The following GCKR variants were observed in gnomAD, a reference collection of about 807,000 sequenced individuals.
GCKR encodes glucokinase regulatory protein.
A neutral mutation model predicts 82.9 loss-of-function variants in GCKR; 73 were observed. The ratio of observed to expected loss-of-function variants is 0.88; its 90% CI spans 0.73 to 1.07. The LOEUF (loss-of-function observed/expected upper bound fraction) is 1.07. Ranked by LOEUF, GCKR falls within the 50% of genes least tolerant of loss-of-function variation. The pLI is 0.00. For missense variants in GCKR, 784 were observed against 782.1 expected, an observed-to-expected ratio of 1.00 and a Z score of -0.03; for synonymous variants, 294 against 291.8, an observed-to-expected ratio of 1.01 and a Z score of -0.08.
rs774736790 is a variant in GCKR at position 27,507,749 on chromosome 2, T to C, written c.1212T>C (p.Asp404=). The change falls in exon 14 of 19, where the codon GAT becomes GAC. Residue 404 remains aspartate, a synonymous_variant. Transcript: ENST00000264717. ...TSILPSLTEI[D]TVVFIFTLDD... ...TCCTTCCCTCTCTCACGGAAATCGA[T>C]ACTGTGGTCTTCATTTTCACCCTGG... The C allele has an allele frequency of 3.1e-6, 5 of 1,602,734 alleles. No homozygotes were observed. The South Asian group carries it at 5.5e-5, about 18-fold the overall frequency.
rs548142292 is a variant in GCKR at position 27,522,567 on chromosome 2, T to C, written c.1680T>C (p.His560=). The change falls in exon 18 of 19, where the codon CAT becomes CAC. Residue 560 remains histidine, a synonymous_variant. Coordinates refer to ENST00000264717, the MANE Select transcript of GCKR (RefSeq NM_001486.4). ...DDIRAAPISC[H]VQVAHEKEQV... ...TTCGGGCTGCTCCCATCTCCTGCCA[T>C]GTCCAGGTTGCACATGAGAAGGAAC... The C allele has an allele frequency of 8.1e-6, 13 of 1,613,992 alleles. No individual in the cohort carries two copies. The highest frequency in any genetic ancestry group is 7.7e-5 in the South Asian group (7 of 91,092).
chr2:27,518,236 G>C (rs1384706303), intron 16 of GCKR, among the ~76,000 whole-genome samples: 1 of 152,172 alleles, frequency 6.6e-6, no homozygotes, highest in Non-Finnish European at 1.5e-5. Context: ...AGTAGAGACA[G>C]CATTTCATCA....
At chr2:27,514,285 A>G (rs1426274818) in intron 16 of GCKR, among the ~76,000 whole-genome samples, 1 of 152,038 alleles carries the variant, frequency 6.6e-6, no homozygotes, top group Non-Finnish European at 1.5e-5. Context: ...ATACATCTAT[A>G]TATACATCTA....
rs750531619 is a variant in GCKR at position 27,523,460 on chromosome 2, G to A, written c.*21G>A. The A allele has an allele frequency of 1.0e-5, 16 of 1,600,714 alleles. No homozygotes were observed. Among genetic ancestry groups the A allele is most frequent in the Non-Finnish European group, 1.3e-5 (15 of 1,179,032 alleles). On this transcript the variant is annotated 3_prime_UTR_variant, in exon 19 of 19. Coordinates refer to ENST00000264717, the MANE Select transcript of GCKR (RefSeq NM_001486.4). ...AGTGAACCCATGTTTCTGGGTGGGT[G>A]AAAGGGGCCCAACCCTGCCCACTTC...
intron 16 of GCKR, among the ~76,000 whole-genome samples, chr2:27,509,179 G>A (rs1238299513): frequency 1.3e-5 from 2 of 152,188 alleles, no homozygotes; most frequent in South Asian, 2.1e-4. Flanking sequence ...TTGCTCTGGA[G>A]AGATGTGGTC....
chr2:27,497,443 A>AC (rs963510860), intron 2 of GCKR, 44 bp downstream of exon 2: 1 of 1,608,352 alleles, frequency 6.2e-7, no homozygotes, highest in South Asian at 1.1e-5. Flanking sequence ...AAACATGCCA[A>AC]CCCCAACCCC....
rs774930016 is a variant in GCKR at position 27,498,283 on chromosome 2, G to A, written c.314G>A (p.Ser105Asn). The change falls in exon 4 of 19, where the codon AGT becomes AAT. Residue 105 changes from serine to asparagine, a missense_variant. Physicochemically the swap from Ser to Asn is conservative, Grantham distance 46. Coordinates refer to ENST00000264717, the MANE Select transcript of GCKR (RefSeq NM_001486.4). ...KEPDGGLVVL[S>N]GGGTSGRMAF... ...CCAGATGGGGGGCTGGTTGTGCTGA[G>A]TGGAGGGGGCACCTCTGGCCGGATG... 7 of 1,613,888 alleles carry A rather than the reference G, an allele frequency of 4.3e-6. No homozygotes were observed. In the South Asian group the frequency reaches 6.6e-5, roughly 15 times the overall value.
At position 27,497,278 on chromosome 2, in the gene GCKR, A is replaced by G; in HGVS notation, c.95A>G (p.Glu32Gly). ...TACGAGGCAGCTGTGCCAATCACGG[A>G]GAAGTCAAACCCACTGACCCAGGAT... ...SGYEAAVPIT[E>G]KSNPLTQDLD... Residue 32 changes from glutamate to glycine, a missense_variant, in exon 2 of 19, where the codon GAG becomes GGG. By Grantham distance (98) the Glu-to-Gly change is moderately conservative. Transcript: ENST00000264717. 1 of 1,614,184 alleles carries G rather than the reference A, an allele frequency of 6.2e-7. No individual in the cohort carries two copies. Among genetic ancestry groups the G allele is most frequent in the Non-Finnish European group, 8.5e-7 (1 of 1,180,028 alleles).
At chr2:27,518,004 G>A (rs1010043539) in intron 16 of GCKR, among the ~76,000 whole-genome samples, 17 of 152,140 alleles carry the variant, frequency 1.1e-4, no homozygotes, top group Admixed American at 8.5e-4. Flanking sequence ...AACTTATTCT[G>A]TAGGGCTGTT....
rs1418841301 is a variant in GCKR, at chr2:27,518,695, C to A, written c.1423-93C>A. Reference sequence around the variant, plus strand: ...TTGCATTTTGGTCCCTGGTTCTTGACAGTTGGTTTCCTGTCTGATAACAGG... The same window carrying A: ...TTGCATTTTGGTCCCTGGTTCTTGAAAGTTGGTTTCCTGTCTGATAACAGG... On this transcript the variant is annotated intron_variant, in intron 16 of 18. Coordinates refer to ENST00000264717, the MANE Select transcript of GCKR (RefSeq NM_001486.4). 5.8e-6 allele frequency: 6 copies of A among 1,028,188 alleles called. No individual in the cohort carries two copies. The African/African-American group carries it at 6.3e-5, about 11-fold the overall frequency. The allele number at this position is 1,028,188 out of a possible 1,614,324, so 63.7% of individuals were successfully genotyped here.
In GCKR at chr2:27,522,462, G is replaced by T; in HGVS notation, c.1575G>T (p.Arg525=). The change falls in exon 18 of 19, where the codon CGG becomes CGT. Residue 525 remains arginine, a splice_region_variant and synonymous_variant. Coordinates refer to ENST00000264717, the MANE Select transcript of GCKR (RefSeq NM_001486.4). ...LFWRALAMLQ[R]FSGQSKARCI... ...TGATCTTACCACTTCTTCCTTAGCG[G>T]TTCTCTGGACAGTCCAAGGCTCGAT... The T allele has an allele frequency of 6.2e-7, 1 of 1,613,900 alleles. No homozygotes were observed. The highest frequency in any genetic ancestry group is 8.5e-7 in the Non-Finnish European group (1 of 1,179,902).
Position 27,498,803 on chromosome 2 carries a change from C to G in GCKR, c.428+6C>G, listed in dbSNP as rs368953418. The G allele has an allele frequency of 1.3e-6, 2 of 1,537,126 alleles. No homozygotes were observed. Among genetic ancestry groups the G allele is most frequent in the Non-Finnish European group, 9.0e-7 (1 of 1,109,890 alleles). ...CTCATTGCAGGTGGTGACAGGTAAG[C>G]CAAGTTAGCCTATGAATATTTTGTT... On this transcript the variant is annotated splice_donor_region_variant and intron_variant, in intron 5 of 18. Transcript: ENST00000264717.
intron 13 of GCKR, 165 bp from the exon 14 acceptor site, chr2:27,507,516 A>G: frequency 2.9e-6 from 2 of 679,192 alleles, no homozygotes; most frequent in South Asian, 1.7e-5. Flanking sequence ...GCCCTAGTCC[A>G]CTGACTTGTT....
chr2:27,509,379 G>T, intron 16 of GCKR: 1 of 183,390 alleles, frequency 5.5e-6, no homozygotes, highest in South Asian at 8.0e-5. Context: ...TCACTCTGTG[G>T]CCCAGACTAA....
At chr2:27,519,645 C>T (rs916973882) in intron 17 of GCKR, among the ~76,000 whole-genome samples, 6 of 152,148 alleles carry the variant, frequency 3.9e-5, no homozygotes, top group African/African-American at 1.4e-4. Flanking sequence ...AGGTGGCAAA[C>T]TGGCCACCAG....
At chr2:27,517,358 G>T (rs1670036129) in intron 16 of GCKR, among the ~76,000 whole-genome samples, 1 of 152,100 alleles carries the variant, frequency 6.6e-6, no homozygotes, top group Admixed American at 6.6e-5. Context: ...CAGCATGGCT[G>T]GGGAGGCCTC....
At chr2:27,512,534 CAAAA>C (rs112331095) in intron 16 of GCKR, among the ~76,000 whole-genome samples, 3 of 92,116 alleles carry the variant, frequency 3.3e-5, no homozygotes. Context: ...GACTCCATCT[CAAAA>C]AAAAAAAAAA....
At chr2:27,521,452 TC>T (rs1670152567) in intron 17 of GCKR, among the ~76,000 whole-genome samples, 1 of 151,012 alleles carries the variant, frequency 6.6e-6, no homozygotes, top group Non-Finnish European at 1.5e-5. Flanking sequence ...TGCCTCAGCC[TC>T]CTGAGTAGCT....
At chr2:27,499,750 T>TTTG (rs1287724306) in intron 7 of GCKR, among the ~76,000 whole-genome samples, 4 of 152,296 alleles carry the variant, frequency 2.6e-5, no homozygotes, top group East Asian at 1.9e-4. Context: ...TTTAAAGTTT[T>TTTG]TTGTTGTTGT....
Sources: allele counts gnomAD v4.1 joint callset (sites outside exome capture counted in the v4.1 genomes callset), GRCh38; gene constraint gnomAD v4.1.1; transcripts MANE v1.5; gene names NCBI Gene and HGNC (gene_info 2026-07-23, HGNC 2026-07-21).